GLRA2: variants seen among roughly 807,000 people sequenced by gnomAD.
GLRA2 encodes the protein glycine receptor alpha 2.
In GLRA2, 11 loss-of-function variants were observed where a neutral mutation model predicts 31.6. That is an observed-to-expected ratio of 0.35 (90% CI 0.22 to 0.58). GLRA2 has a LOEUF of 0.58. GLRA2 is among the 20% of genes least tolerant of loss of function. The pLI, the probability that GLRA2 is intolerant of heterozygous loss-of-function variation, is 0.84. For synonymous variants in GLRA2, 132 were observed against 134.0 expected (o/e 0.99, Z 0.10); for missense variants, 212 against 351.8 (o/e 0.60, Z 3.18).
At chrX:14,522,697 C>T in the GLRA2 span, among the ~76,000 whole-genome samples, 1 of 112,037 alleles carries the variant, frequency 8.9e-6, no homozygotes. Flanking sequence ...ACATTAATCT[C>T]CTTTTACATC....
chrX:14,641,924 C>T lies in GLRA2; in HGVS notation c.930+32719C>T, dbSNP rs145281218. Among the ~76,000 whole-genome samples the T allele has an allele frequency of 3.1e-3, 352 of 112,134 alleles. 4 individuals carry two copies. Among genetic ancestry groups the T allele is most frequent in the African/African-American group, 0.011 (337 of 30,912 alleles). On this transcript the variant is annotated intron_variant, in intron 7 of 8. Coordinates refer to ENST00000218075, the MANE Select transcript of GLRA2 (RefSeq NM_002063.4). The stretch of plus-strand genomic sequence containing the variant: ...CTGTTGGTATATGAGTTAGGAGGGC[C>T]CATGCCAAATTATACATATTCGTGA...
At chrX:14,629,780 T>C (rs2090624333) in intron 7 of GLRA2, among the ~76,000 whole-genome samples, 1 of 111,739 alleles carries the variant, frequency 8.9e-6, no homozygotes, top group South Asian at 3.7e-4. Flanking sequence ...TTATAGTACA[T>C]ATATTTTACT....
At chrX:14,673,544 T>C (rs770496488) in intron 7 of GLRA2, among the ~76,000 whole-genome samples, 1 of 111,582 alleles carries the variant, frequency 9.0e-6, no homozygotes, top group African/African-American at 3.3e-5. Flanking sequence ...CATCCCACTA[T>C]AGGAGGCATA....
intron 7 of GLRA2, among the ~76,000 whole-genome samples, chrX:14,686,264 G>C (rs1460516286): frequency 1.8e-5 from 2 of 111,959 alleles, no homozygotes; most frequent in East Asian, 5.6e-4. Flanking sequence ...TAAGTGTGAT[G>C]TGGTGCTGAG....
In GLRA2 at chrX:14,661,528, GA is replaced by G. The variant is rs912286936; in HGVS notation, c.931-29177del. Reference sequence around the variant, plus strand: ...GTATAGCTGACAGACTAAGACAAGAGAAAAATAATAACTTCTAGGAAGTAGA... The same window carrying G: ...GTATAGCTGACAGACTAAGACAAGAGAAAATAATAACTTCTAGGAAGTAGA... On this transcript the variant is annotated intron_variant, in intron 7 of 8. Transcript: ENST00000218075. Among the ~76,000 whole-genome samples the G allele has an allele frequency of 1.8e-4, 20 of 111,748 alleles. No homozygotes were observed. In the Admixed American group the frequency reaches 1.8e-3, roughly 10 times the overall value.
chrX:14,500,777 C>T, the GLRA2 span, among the ~76,000 whole-genome samples: 1 of 111,456 alleles, frequency 9.0e-6, no homozygotes, highest in Non-Finnish European at 1.9e-5. Flanking sequence ...GAAATGGTCT[C>T]ATCCTCATAT....
chrX:14,569,944 C>T (rs1484668997), intron 2 of GLRA2, among the ~76,000 whole-genome samples: 1 of 112,099 alleles, frequency 8.9e-6, no homozygotes, highest in East Asian at 2.8e-4. Flanking sequence ...CTGATACATG[C>T]TACAACATGG....
chrX:14,511,862 G>C, the GLRA2 span, among the ~76,000 whole-genome samples: 44 of 111,744 alleles, frequency 3.9e-4, no homozygotes, highest in Admixed American at 3.8e-4. Flanking sequence ...AAGAAGAAAA[G>C]TGGTATTATT....
At position 14,730,429 on chromosome X, in the gene GLRA2, A is replaced by G; in HGVS notation, c.1303A>G (p.Ile435Val). 1.7e-6 allele frequency: 2 copies of G among 1,206,125 alleles called. No individual in the cohort carries two copies. The highest frequency in any genetic ancestry group is 2.2e-6 in the Non-Finnish European group (2 of 890,646). The change falls in exon 9 of 9, where the codon ATC becomes GTC. Residue 435 changes from isoleucine to valine, a missense_variant. By Grantham distance (29) the Ile-to-Val change is conservative. Around this residue, in one of 5 missense-constraint regions of GLRA2, gnomAD observed 42 missense variants for 52.0 expected, o/e 0.81. Transcript: ENST00000218075. ...CCCATTGGCCTTCCTCATTTTCAAC[A>G]TCTTTTACTGGATCACATACAAGAT... ...AFPLAFLIFN[I>V]FYWITYKIIR...
At chrX:14,623,309 A>T (rs1227734584) in intron 7 of GLRA2, among the ~76,000 whole-genome samples, 1 of 111,255 alleles carries the variant, frequency 9.0e-6, no homozygotes, top group Non-Finnish European at 1.9e-5. Context: ...GGACAATTTG[A>T]TTTCCTCTTT....
intron 4 of GLRA2, among the ~76,000 whole-genome samples, chrX:14,593,189 G>T (rs1290028636): frequency 9.0e-6 from 1 of 111,701 alleles, no homozygotes; most frequent in Non-Finnish European, 1.9e-5. Flanking sequence ...AAAGGAAAAG[G>T]TACTTTATTT....
At position 14,730,529 on chromosome X, in the gene GLRA2, CT is replaced by C; in HGVS notation, c.*46del. The C allele has an allele frequency of 1.2e-6, 1 of 826,076 alleles. No homozygotes were observed. Among genetic ancestry groups the C allele is most frequent in the Non-Finnish European group, 1.7e-6 (1 of 599,257 alleles). The allele number at this position is 826,076 out of a possible 1,213,427, so 68.1% of individuals were successfully genotyped here. On this transcript the variant is annotated 3_prime_UTR_variant, in exon 9 of 9. Transcript: ENST00000218075. ...GGGACCTTCTTGCCTCAGTGTTGTG[CT>C]TGTAAATACACAGTGAAATTGTCTT...
At chrX:14,649,276 T>C (rs2090865307) in intron 7 of GLRA2, among the ~76,000 whole-genome samples, 1 of 111,028 alleles carries the variant, frequency 9.0e-6, no homozygotes, top group South Asian at 3.8e-4. Flanking sequence ...CCTAGGTATT[T>C]ACCCAAGAGA....
intron 7 of GLRA2, among the ~76,000 whole-genome samples, chrX:14,623,195 A>G (rs747965396): frequency 8.9e-6 from 1 of 111,759 alleles, no homozygotes; most frequent in South Asian, 3.8e-4. Context: ...TTGCACGTTG[A>G]TTTTGTATCC....
intron 4 of GLRA2, among the ~76,000 whole-genome samples, chrX:14,596,071 T>C (rs1387128009): frequency 9.0e-6 from 1 of 111,485 alleles, no homozygotes; most frequent in Non-Finnish European, 1.9e-5. Flanking sequence ...TCTTCCCATG[T>C]ACTCTGTTCT....
the GLRA2 span, among the ~76,000 whole-genome samples, chrX:14,454,081 G>T: frequency 9.1e-6 from 1 of 109,723 alleles, no homozygotes; most frequent in Non-Finnish European, 1.9e-5. Flanking sequence ...CAACACTGTG[G>T]TGATGGAACT....
chrX:14,572,981 T>C (rs1193344640), intron 2 of GLRA2, among the ~76,000 whole-genome samples: 1 of 111,263 alleles, frequency 9.0e-6, no homozygotes. Flanking sequence ...GAAAAGAGAG[T>C]TCTGAGGGGT....
chrX:14,723,919 C>T (rs182494307), intron 8 of GLRA2, among the ~76,000 whole-genome samples: 6 of 111,396 alleles, frequency 5.4e-5, no homozygotes, highest in Non-Finnish European at 1.1e-4. Flanking sequence ...TTATTGTTTC[C>T]CTTCATCTCA....
rs747759815 is a variant in GLRA2, at chrX:14,650,511, CAGAG to C, written c.931-40194_931-40191del. Among the ~76,000 whole-genome samples the C allele has an allele frequency of 2.7e-5, 3 of 111,052 alleles. No homozygotes were observed. The Admixed American group carries it at 2.9e-4, about 11-fold the overall frequency. ...TTCACTTTCGGGAAGTCTCTAGTGT[CAGAG>C]AGAGCTTCCAACCACTCCTTCCAGC... On this transcript the variant is annotated intron_variant, in intron 7 of 8. Transcript: ENST00000218075.
Sources: allele counts gnomAD v4.1 joint callset (sites outside exome capture counted in the v4.1 genomes callset), GRCh38; gene constraint gnomAD v4.1.1; regional missense constraint gnomAD v4.1.1; transcripts MANE v1.5; gene names NCBI Gene and HGNC (gene_info 2026-07-23, HGNC 2026-07-21).